RFX6: variants seen among roughly 807,000 people sequenced by gnomAD.
RFX6 encodes the protein regulatory factor X6, also known as DNA-binding protein RFX6.
Under a neutral mutation model 110.8 loss-of-function variants are expected in RFX6, and 50 were observed. That is an observed-to-expected ratio of 0.45 (90% CI 0.36 to 0.57). The LOEUF is 0.57. RFX6 is among the 20% of genes least tolerant of loss of function. The pLI, the probability that RFX6 is intolerant of heterozygous loss-of-function variation, is 0.00. For missense variants in RFX6, 990 were observed against 1,127.0 expected (o/e 0.88, Z 1.74); for synonymous variants, 383 against 411.2 (o/e 0.93, Z 0.83).
intron 6 of RFX6, among the ~76,000 whole-genome samples, chr6:116,907,332 G>T (rs974179255): frequency 3.3e-5 from 5 of 152,070 alleles, no homozygotes; most frequent in Admixed American, 2.6e-4. Context: ...GCCTTGCAAT[G>T]TCTTTGTCAG....
At chr6:116,906,743 TTGTGTGTGTG>T (rs56724266) in intron 6 of RFX6, among the ~76,000 whole-genome samples, 1 of 149,978 alleles carries the variant, frequency 6.7e-6, no homozygotes, top group South Asian at 2.1e-4. Flanking sequence ...CATTTATGAG[TTGTGTGTGTG>T]TGTGTGTGTG....
At chr6:116,885,882 G>C (rs1442727865) in intron 4 of RFX6, among the ~76,000 whole-genome samples, 6 of 151,770 alleles carry the variant, frequency 4.0e-5, no homozygotes, top group Non-Finnish European at 8.8e-5. Context: ...TTTATTTTCT[G>C]CCTTTTAATT....
In RFX6 at chr6:116,895,170, AT is replaced by A. The variant is rs2114673787; in HGVS notation, c.645-4del. 1 of 1,449,500 alleles carries A rather than the reference AT, an allele frequency of 6.9e-7. No homozygotes were observed. The highest frequency in any genetic ancestry group is 9.7e-7 in the Non-Finnish European group (1 of 1,031,954). 89.8% of individuals were successfully genotyped at this position (1,449,500 alleles called of 1,614,324 possible). On this transcript the variant is annotated splice_polypyrimidine_tract_variant and intron_variant, in intron 5 of 18. Transcript: ENST00000332958. ...GTTTGAACTAATGGAAAATGTACTA[AT>A]TTTTTAAGGTTTTCTGGAAGCAAGC...
At chr6:116,906,024 G>A (rs536966804) in intron 6 of RFX6, among the ~76,000 whole-genome samples, 1 of 151,824 alleles carries the variant, frequency 6.6e-6, no homozygotes, top group East Asian at 1.9e-4. Context: ...GTTAATTTTT[G>A]TATATGATGT....
chr6:116,884,488 T>A (rs539683545), intron 4 of RFX6, among the ~76,000 whole-genome samples: 2 of 152,310 alleles, frequency 1.3e-5, no homozygotes, highest in South Asian at 4.1e-4. Context: ...GGTCCCTTCC[T>A]TCTAACCAAG....
At chr6:116,895,655 C>CACAA (rs1319299795) in intron 6 of RFX6, among the ~76,000 whole-genome samples, 1 of 151,744 alleles carries the variant, frequency 6.6e-6, no homozygotes, top group Non-Finnish European at 1.5e-5. Flanking sequence ...TACACACACA[C>CACAA]ACACACACAC....
At chr6:116,878,823 T>G (rs1774525119) in intron 2 of RFX6, among the ~76,000 whole-genome samples, 1 of 151,742 alleles carries the variant, frequency 6.6e-6, no homozygotes, top group Non-Finnish European at 1.5e-5. Context: ...TAGTAAATTT[T>G]ATTTTTATTA....
intron 6 of RFX6, among the ~76,000 whole-genome samples, chr6:116,903,942 TA>T (rs1305432595): frequency 6.6e-6 from 1 of 152,048 alleles, no homozygotes; most frequent in Admixed American, 6.6e-5. Flanking sequence ...GGTCCCAAGA[TA>T]TACTCATCTT....
At chr6:116,882,141 G>C (rs1208835112) in intron 3 of RFX6, among the ~76,000 whole-genome samples, 2 of 152,096 alleles carry the variant, frequency 1.3e-5, no homozygotes, top group Non-Finnish European at 2.9e-5. Context: ...ATCTGCCTTA[G>C]AAATCAAGAC....
intron 14 of RFX6, 93 bp downstream of exon 14, chr6:116,923,317 A>T: frequency 1.3e-6 from 1 of 777,132 alleles, no homozygotes; most frequent in African/African-American, 1.7e-5. Context: ...ATGTTACATC[A>T]TCACTTCTTA....
intron 6 of RFX6, among the ~76,000 whole-genome samples, chr6:116,910,542 A>G (rs1040787393): frequency 2.6e-5 from 4 of 152,180 alleles, no homozygotes; most frequent in African/African-American, 9.6e-5. Flanking sequence ...CTTAATTTGT[A>G]AAAAGGAAGG....
chr6:116,899,051 T>C (rs1239668416), intron 6 of RFX6, among the ~76,000 whole-genome samples: 1 of 152,186 alleles, frequency 6.6e-6, no homozygotes, highest in Non-Finnish European at 1.5e-5. Flanking sequence ...ATTGAGATGG[T>C]AGCAACAGTC....
At chr6:116,925,400 A>G in intron 15 of RFX6, 53 bp from the exon 16 acceptor site, 1 of 1,357,402 alleles carries the variant, frequency 7.4e-7, no homozygotes, top group Non-Finnish European at 1.1e-6. Flanking sequence ...GGGTTTATCT[A>G]CGAGGAATGT....
intron 7 of RFX6, among the ~76,000 whole-genome samples, chr6:116,915,447 G>A (rs1288282402): frequency 6.6e-6 from 1 of 152,072 alleles, no homozygotes; most frequent in East Asian, 1.9e-4. Context: ...AAGCTTGGGA[G>A]CTCAGAGACA....
At chr6:116,927,562 T>G in intron 17 of RFX6, 23 bp downstream of exon 17, 5 of 1,605,554 alleles carry the variant, frequency 3.1e-6, no homozygotes, top group Non-Finnish European at 4.2e-6. Flanking sequence ...AAAAGAATTT[T>G]TCTTGGTTTT....
At chr6:116,925,948 T>G (rs1484031933) in intron 16 of RFX6, among the ~76,000 whole-genome samples, 1 of 152,216 alleles carries the variant, frequency 6.6e-6, no homozygotes, top group Non-Finnish European at 1.5e-5. Context: ...ATAAAATTCT[T>G]AAGATGCTTT....
chr6:116,910,483 A>T (rs1345330231), intron 6 of RFX6, among the ~76,000 whole-genome samples: 1 of 152,174 alleles, frequency 6.6e-6, no homozygotes, highest in African/African-American at 2.4e-5. Context: ...TTTGCTAGTA[A>T]TTACCTCTGA....
At chr6:116,929,925 C>T (rs1775845346) in intron 18 of RFX6, among the ~76,000 whole-genome samples, 2 of 152,336 alleles carry the variant, frequency 1.3e-5, no homozygotes, top group South Asian at 4.1e-4. Context: ...GTCACTGTCA[C>T]ACATGCTCCC....
At position 116,928,962 on chromosome 6, in the gene RFX6, C is replaced by G. The variant is rs1161224088; in HGVS notation, c.2602C>G (p.Pro868Ala). Residue 868 changes from proline to alanine, a missense_variant, in exon 18 of 19, where the codon CCA becomes GCA. By Grantham distance (27) the Pro-to-Ala change is conservative (BLOSUM62 -1). Coordinates refer to ENST00000332958, the MANE Select transcript of RFX6 (RefSeq NM_173560.4). ...DTSSPVACRT[P>A]VLASSLQTPI... ...ATCATCTCCAGTTGCATGTCGAACT[C>G]CAGTCCTAGGTAAATTATTTTAGCA... 5.6e-6 allele frequency: 9 copies of G among 1,600,682 alleles called. No homozygotes were observed. Among genetic ancestry groups the G allele is most frequent in the Non-Finnish European group, 7.7e-6 (9 of 1,167,706 alleles).
Sources: gnomAD v4.1 joint callset for allele counts (sites outside exome capture counted in the v4.1 genomes callset) on GRCh38, gnomAD v4.1.1 for gene constraint, MANE v1.5 for transcripts, NCBI Gene and HGNC (gene_info 2026-07-23, HGNC 2026-07-21) for gene names.